The following STAG1 variants were observed in gnomAD, a reference collection of about 807,000 sequenced individuals.
The protein encoded by STAG1 is STAG1 cohesin complex component, also known as cohesin subunit SA-1.
A neutral mutation model predicts 170.9 loss-of-function variants in STAG1; 26 were observed. The observed-to-expected ratio is 0.15, with a 90% CI of 0.11 to 0.21. The LOEUF (loss-of-function observed/expected upper bound fraction) is 0.21. STAG1 is among the 10% of genes least tolerant of loss of function. The pLI is 1.00. For missense variants in STAG1, 964 were observed against 1,509.5 expected (o/e 0.64, Z 5.99); for synonymous variants, 514 against 497.7 (o/e 1.03, Z -0.44).
intron 26 of STAG1, among the ~76,000 whole-genome samples, chr3:136,361,841 G>T (rs1168258518): frequency 6.6e-6 from 1 of 151,966 alleles, no homozygotes; most frequent in African/African-American, 2.4e-5. Flanking sequence ...TGAATTCATG[G>T]GCTCAAGCAA....
rs545196415 is a variant in STAG1, at chr3:136,397,462, T to C, written c.2277+1287A>G. Reference sequence around the variant, plus strand: ...TCTCAACTTTTTTTCTTTCTTTTTTTTTTACCATCAAAATAGTATGAATTC... The same window carrying C: ...TCTCAACTTTTTTTCTTTCTTTTTTCTTTACCATCAAAATAGTATGAATTC... On this transcript the variant is annotated intron_variant, in intron 22 of 33. Transcript: ENST00000383202. 2.2e-4 allele frequency among the ~76,000 whole-genome samples: 34 copies of C among 152,108 alleles called. No individual in the cohort carries two copies. In the East Asian group the frequency reaches 6.4e-3, roughly 29 times the overall value.
At chr3:136,727,124 A>G (rs964577846) in intron 1 of STAG1, among the ~76,000 whole-genome samples, 6 of 151,648 alleles carry the variant, frequency 4.0e-5, no homozygotes, top group Admixed American at 1.3e-4. Context: ...ATTCATCATA[A>G]TATATGATTA....
intron 23 of STAG1, among the ~76,000 whole-genome samples, chr3:136,370,616 T>C (rs1159892934): frequency 6.6e-6 from 1 of 152,150 alleles, no homozygotes; most frequent in Non-Finnish European, 1.5e-5. Context: ...CAGTGTTTGG[T>C]TTTTTGTCCT....
chr3:136,438,591 C>G (rs1438411839), intron 15 of STAG1, among the ~76,000 whole-genome samples: 1 of 152,058 alleles, frequency 6.6e-6, no homozygotes, highest in Non-Finnish European at 1.5e-5. Context: ...AGGATTCAGT[C>G]TAAAGATAGA....
chr3:136,530,923 T>G (rs915544018), intron 6 of STAG1, among the ~76,000 whole-genome samples: 1 of 152,052 alleles, frequency 6.6e-6, no homozygotes, highest in Non-Finnish European at 1.5e-5. Flanking sequence ...CTAGCCAACA[T>G]GGTAAACTCC....
chr3:136,540,234 G>A (rs922035765), intron 6 of STAG1, among the ~76,000 whole-genome samples: 2 of 149,842 alleles, frequency 1.3e-5, no homozygotes, highest in African/African-American at 4.9e-5. Context: ...AGTGACAGAA[G>A]ATAAAATGGA....
chr3:136,713,111 T>A (rs565098019), intron 1 of STAG1, among the ~76,000 whole-genome samples: 5 of 151,716 alleles, frequency 3.3e-5, no homozygotes, highest in Non-Finnish European at 7.4e-5. Context: ...ACCACAAGAG[T>A]GTTCTCAGCA....
chr3:136,540,414 A>G (rs1935834740), intron 6 of STAG1, among the ~76,000 whole-genome samples: 1 of 152,036 alleles, frequency 6.6e-6, no homozygotes, highest in Admixed American at 6.6e-5. Context: ...ATTTAGGTAT[A>G]TGAAATGCCT....
Position 136,623,160 on chromosome 3 carries a change from G to T in STAG1, c.118C>A (p.Pro40Thr). 1 of 1,613,558 alleles carries T rather than the reference G, an allele frequency of 6.2e-7. No individual in the cohort carries two copies. Among genetic ancestry groups the T allele is most frequent in the South Asian group, 1.1e-5 (1 of 91,060 alleles). Residue 40 changes from proline (P) to threonine (T), a missense_variant, in exon 3 of 34, where the codon CCT becomes ACT. By Grantham distance (38) the Pro-to-Thr change is conservative. This residue lies in a region of STAG1 where 108 missense variants were observed against 120.2 expected (regional missense o/e 0.90). Coordinates refer to ENST00000383202, the MANE Select transcript of STAG1 (RefSeq NM_005862.3). ...EVKGKRKRGR[P>T]GRPPSTNKKP... ...ATAATACATACTGGAGGCCGGCCAG[G>T]ACGACCCCTTTTTCTTTTTCCTTTG...
intron 3 of STAG1, among the ~76,000 whole-genome samples, chr3:136,622,447 G>C (rs1163572658): frequency 6.6e-6 from 1 of 152,140 alleles, no homozygotes; most frequent in Admixed American, 6.5e-5. Flanking sequence ...GTGATGAGAT[G>C]AAACAAGATT....
At chr3:136,675,959 T>C (rs958528842) in intron 1 of STAG1, among the ~76,000 whole-genome samples, 1 of 152,238 alleles carries the variant, frequency 6.6e-6, no homozygotes, top group South Asian at 2.1e-4. Context: ...CTTACACAAA[T>C]GTAGATGGTG....
intron 1 of STAG1, among the ~76,000 whole-genome samples, chr3:136,731,673 G>A (rs1934050214): frequency 2.0e-5 from 3 of 152,224 alleles, no homozygotes; most frequent in African/African-American, 7.2e-5. Context: ...GTGCTTCAAT[G>A]TCTTTATAAC....
chr3:136,516,438 G>A (rs1934382982), intron 7 of STAG1, among the ~76,000 whole-genome samples: 1 of 152,078 alleles, frequency 6.6e-6, no homozygotes, highest in Admixed American at 6.6e-5. Flanking sequence ...AGCCTGGGAA[G>A]CGGGGGTTGC....
intron 4 of STAG1, among the ~76,000 whole-genome samples, chr3:136,585,897 T>C (rs1379968026): frequency 1.3e-5 from 2 of 152,218 alleles, no homozygotes; most frequent in Admixed American, 1.3e-4. Context: ...TTCTGCTTCA[T>C]ACATGATTCA....
intron 30 of STAG1, among the ~76,000 whole-genome samples, chr3:136,342,753 A>C (rs1425097690): frequency 6.6e-6 from 1 of 152,230 alleles, no homozygotes; most frequent in Non-Finnish European, 1.5e-5. Context: ...ACCTTGATTA[A>C]ACCTATAAAC....
intron 1 of STAG1, among the ~76,000 whole-genome samples, chr3:136,705,287 T>G (rs1303448115): frequency 1.3e-5 from 2 of 151,256 alleles, no homozygotes; most frequent in African/African-American, 2.4e-5. Context: ...CAAGTAAGAT[T>G]TAGCCCAAGA....
intron 22 of STAG1, among the ~76,000 whole-genome samples, chr3:136,394,648 G>A (rs1481429361): frequency 1.3e-5 from 2 of 151,566 alleles, no homozygotes; most frequent in African/African-American, 4.9e-5. Flanking sequence ...GTGGCTGGGT[G>A]TGGTGGCTCA....
chr3:136,421,182 T>A lies in STAG1; in HGVS notation c.2038-19A>T, dbSNP rs780170532. The stretch of plus-strand genomic sequence containing the variant: ...CTTCTCCCTATAAAAAAAGGAAACA[T>A]CACATCATTACAACTTTACTCACCT... On this transcript the variant is annotated intron_variant, in intron 19 of 33. Coordinates refer to ENST00000383202, the MANE Select transcript of STAG1 (RefSeq NM_005862.3). The A allele has an allele frequency of 1.3e-6, 2 of 1,565,772 alleles. No homozygotes were observed. Among genetic ancestry groups the A allele is most frequent in the Non-Finnish European group, 1.7e-6 (2 of 1,143,880 alleles).
intron 6 of STAG1, among the ~76,000 whole-genome samples, chr3:136,535,123 G>C (rs979317769): frequency 6.6e-6 from 1 of 152,178 alleles, no homozygotes; most frequent in Non-Finnish European, 1.5e-5. Flanking sequence ...CTTATATTAA[G>C]TGTAATAACT....
Sources: gnomAD v4.1 joint callset for allele counts (sites outside exome capture counted in the v4.1 genomes callset) on GRCh38, gnomAD v4.1.1 for gene constraint, gnomAD v4.1.1 regional missense constraint, MANE v1.5 for transcripts, NCBI Gene and HGNC (gene_info 2026-07-23, HGNC 2026-07-21) for gene names.